Variants in PHF8 observed in about 807,000 individuals in gnomAD.
The protein encoded by PHF8 is PHD finger protein 8, also known as histone lysine demethylase PHF8.
A neutral mutation model predicts 74.4 loss-of-function variants in PHF8; 9 were observed. That is an observed-to-expected ratio of 0.12 (90% CI 0.07 to 0.21). PHF8 has a LOEUF of 0.21. PHF8 is among the 10% of genes least tolerant of loss of function. PHF8 has a pLI of 1.00. For synonymous variants in PHF8, 311 were observed against 316.6 expected, an observed-to-expected ratio of 0.98 and a Z score of 0.19; for missense variants, 478 against 816.6, an observed-to-expected ratio of 0.59 and a Z score of 5.05.
upstream of PHF8, among the ~76,000 whole-genome samples, chrX:54,045,735 T>C (rs180796209): frequency 2.6e-4 from 29 of 112,073 alleles, no homozygotes; most frequent in African/African-American, 9.4e-4. Flanking sequence ...TGGAGGCACA[T>C]AGAAAAATAT....
chrX:53,982,972 C>T (rs1204950245), intron 18 of PHF8, among the ~76,000 whole-genome samples: 1 of 111,443 alleles, frequency 9.0e-6, no homozygotes, highest in East Asian at 2.8e-4. Context: ...GGCAGGAGGA[C>T]CACTTGAGCC....
rs782097874 is a variant in PHF8 at position 53,962,960 on chromosome X, A to G, written c.2444-21T>C. On this transcript the variant is annotated intron_variant, in intron 18 of 21. Transcript: ENST00000338154. Reference sequence around the variant, plus strand: ...ATAGACTGCAGGGAGAAGGGAAAACAGGGTAAAATGAGATTTCATCCAAAG... The same window carrying G: ...ATAGACTGCAGGGAGAAGGGAAAACGGGGTAAAATGAGATTTCATCCAAAG... 6 of 975,337 alleles carry G rather than the reference A, an allele frequency of 6.2e-6. No homozygotes were observed. In the South Asian group the frequency reaches 1.2e-4, roughly 19 times the overall value. The allele number at this position is 975,337 out of a possible 1,213,427, so 80.4% of individuals were successfully genotyped here. A position where few individuals can be genotyped will look rare whatever the true frequency, so the allele number is the denominator to read the frequency against.
At chrX:54,016,831 A>C in intron 5 of PHF8, 95 bp from the exon 6 acceptor site, 2 of 673,000 alleles carry the variant, frequency 3.0e-6, no homozygotes, top group Non-Finnish European at 4.8e-6. Flanking sequence ...CCTTACACTC[A>C]AAGCTTCTCT....
upstream of PHF8, chrX:54,045,170 T>G (rs1446656983): frequency 3.4e-6 from 1 of 296,042 alleles, no homozygotes; most frequent in Non-Finnish European, 5.9e-6. Context: ...CAAATACAGT[T>G]CAAGGATTTG....
intron 2 of PHF8, 105 bp downstream of exon 2, chrX:54,042,526 A>AG (rs1557116188): frequency 1.1e-5 from 7 of 664,223 alleles, no homozygotes; most frequent in Non-Finnish European, 1.7e-5. Context: ...AGTCTGGGAG[A>AG]GGGGGTCCTG....
intron 4 of PHF8, among the ~76,000 whole-genome samples, chrX:54,020,991 A>T (rs1030151047): frequency 8.9e-6 from 1 of 112,066 alleles, no homozygotes; most frequent in Admixed American, 9.5e-5. Context: ...GAATGCACTG[A>T]TATGTCTGCA....
At chrX:54,029,108 TC>T (rs2066314615) in intron 2 of PHF8, among the ~76,000 whole-genome samples, 1 of 111,977 alleles carries the variant, frequency 8.9e-6, no homozygotes, top group Non-Finnish European at 1.9e-5. Context: ...CTATCAACTC[TC>T]TTTATTAGCT....
intron 2 of PHF8, among the ~76,000 whole-genome samples, chrX:54,032,507 T>TCC (rs2066377990): frequency 9.0e-6 from 1 of 110,680 alleles, no homozygotes; most frequent in Non-Finnish European, 1.9e-5. Flanking sequence ...CCAGCATGGT[T>TCC]CCCTTCCTCG....
intron 12 of PHF8, 84 bp from the exon 13 acceptor site, chrX:53,993,987 T>C: frequency 1.5e-6 from 1 of 686,251 alleles, no homozygotes; most frequent in Non-Finnish European, 2.3e-6. Flanking sequence ...TTCCTGGTAC[T>C]GGTGGTACTG....
At chrX:53,956,550 A>G (rs1557088735) in intron 19 of PHF8, among the ~76,000 whole-genome samples, 1 of 111,891 alleles carries the variant, frequency 8.9e-6, no homozygotes, top group Admixed American at 9.6e-5. Flanking sequence ...CTTAAAAAAT[A>G]CAAGGGTGTT....
At chrX:53,968,941 T>C (rs1603306746) in intron 18 of PHF8, among the ~76,000 whole-genome samples, 1 of 108,553 alleles carries the variant, frequency 9.2e-6, no homozygotes, top group East Asian at 3.0e-4. Context: ...GATAAACAAA[T>C]TTAGTAAAGA....
Position 53,937,823 on chromosome X carries a change from C to T in PHF8, c.*1335G>A. On this transcript the variant is annotated 3_prime_UTR_variant, in exon 22 of 22. Coordinates refer to ENST00000338154, the MANE Select transcript of PHF8 (RefSeq NM_015107.3). ...GTGGAAAGGGCAAGGGTACACTCCACTTGGGTAGTGCCAAATGGAGGTGGG... is the reference window on the plus strand; with the variant it reads ...GTGGAAAGGGCAAGGGTACACTCCATTTGGGTAGTGCCAAATGGAGGTGGG... 2 of 474,142 alleles carry T rather than the reference C, an allele frequency of 4.2e-6. No individual in the cohort carries two copies. Among genetic ancestry groups the T allele is most frequent in the Non-Finnish European group, 7.3e-6 (2 of 272,407 alleles). The allele number at this position is 474,142 out of a possible 1,213,427, so 39.1% of individuals were successfully genotyped here. A position where few individuals can be genotyped will look rare whatever the true frequency, so the allele number is the denominator to read the frequency against.
intron 19 of PHF8, among the ~76,000 whole-genome samples, chrX:53,949,654 T>G (rs1259961644): frequency 3.7e-5 from 4 of 107,239 alleles, no homozygotes; most frequent in Non-Finnish European, 7.7e-5. Context: ...CTACTAAAAA[T>G]ACAAAAAATT....
chrX:54,036,102 C>CAAAAAAAAA (rs1159910510), intron 2 of PHF8, among the ~76,000 whole-genome samples: 1 of 26,194 alleles, frequency 3.8e-5, no homozygotes, highest in African/African-American at 1.3e-4. Flanking sequence ...AACTCCATCT[C>CAAAAAAAAA]AAAAAAAAAA....
intron 14 of PHF8, among the ~76,000 whole-genome samples, chrX:53,992,100 T>C (rs1473787849): frequency 8.9e-6 from 1 of 112,409 alleles, no homozygotes; most frequent in Non-Finnish European, 1.9e-5. Flanking sequence ...CACATGTGCA[T>C]ACATGCCCTT....
chrX:53,986,828 CT>C (rs782799488), intron 16 of PHF8, among the ~76,000 whole-genome samples: 65 of 110,999 alleles, frequency 5.9e-4, no homozygotes, highest in African/African-American at 1.8e-3. Flanking sequence ...GTGGTCCCAG[CT>C]ACTAGAAGGC....
chrX:53,954,217 C>T (rs1189858359), intron 19 of PHF8, among the ~76,000 whole-genome samples: 2 of 110,843 alleles, frequency 1.8e-5, no homozygotes, highest in African/African-American at 3.3e-5. Context: ...CAGCAAAAAA[C>T]GGACAGGTGT....
chrX:53,956,937 G>T (rs781970156), intron 19 of PHF8, among the ~76,000 whole-genome samples: 2 of 111,252 alleles, frequency 1.8e-5, no homozygotes, highest in Non-Finnish European at 3.8e-5. Context: ...GGTAGAAGCC[G>T]GATGTGGTGG....
In PHF8 at chrX:54,043,836, A is replaced by C. The variant is rs1557116695; in HGVS notation, c.-167T>G. 1 of 752,618 alleles carries C rather than the reference A, an allele frequency of 1.3e-6. No individual in the cohort carries two copies. The highest frequency in any genetic ancestry group is 1.6e-6 in the Non-Finnish European group (1 of 638,466). 62.0% of individuals were successfully genotyped at this position (752,618 alleles called of 1,213,427 possible). A position where few individuals can be genotyped will look rare whatever the true frequency, so the allele number is the denominator to read the frequency against. ...CCTGACAAGAACGTCTTCAGTCCAG[A>C]ATCCTACAGGGACCTCCTCATGCTT... is the stretch of plus-strand genomic sequence containing the variant. On this transcript the variant is annotated 5_prime_UTR_variant, in exon 1 of 22. In the 5' UTR this introduces an upstream ATG that the reference lacks. Transcript: ENST00000338154.
Sources: allele counts gnomAD v4.1 joint callset (sites outside exome capture counted in the v4.1 genomes callset), GRCh38; gene constraint gnomAD v4.1.1; transcripts MANE v1.5; gene names NCBI Gene and HGNC (gene_info 2026-07-23, HGNC 2026-07-21).